The following KDM6A variants were observed in gnomAD, a reference collection of about 807,000 sequenced individuals.
KDM6A encodes the protein lysine demethylase 6A, also known as lysine-specific demethylase 6A.
In KDM6A, 11 loss-of-function variants were observed where a neutral mutation model predicts 117.6. The ratio of observed to expected loss-of-function variants is 0.09; its 90% CI spans 0.06 to 0.15. The LOEUF is 0.15. Among genes scored for constraint, KDM6A ranks in the 10% least tolerant of loss-of-function variants. KDM6A has a pLI of 1.00. For missense variants in KDM6A, 799 were observed against 1,077.3 expected, an observed-to-expected ratio of 0.74 and a Z score of 3.62; for synonymous variants, 384 against 396.1, an observed-to-expected ratio of 0.97 and a Z score of 0.36.
intron 8 of KDM6A, among the ~76,000 whole-genome samples, chrX:45,048,269 A>G (rs993376278): frequency 9.1e-6 from 1 of 109,619 alleles, no homozygotes; most frequent in African/African-American, 3.3e-5. Context: ...CCTGATCTTC[A>G]TAAGTTTAAT....
At position 45,096,025 on chromosome X, in the gene KDM6A, C is replaced by T. The variant is rs774247938; in HGVS notation, c.4034+5161C>T. On this transcript the variant is annotated intron_variant, in intron 27 of 29. Coordinates refer to ENST00000611820, the MANE Select transcript of KDM6A (RefSeq NM_001291415.2). ...TTAATATGAACTGCAGTTTTTACAT[C>T]TCCCCCTTTTTTTCCTTTGAATCAT... Among the ~76,000 whole-genome samples, 8 of 111,453 alleles carry T rather than the reference C, an allele frequency of 7.2e-5. No homozygotes were observed. In the East Asian group the frequency reaches 1.4e-3, roughly 20 times the overall value.
intron 4 of KDM6A, among the ~76,000 whole-genome samples, chrX:45,001,918 C>T (rs781197947): frequency 3.0e-4 from 33 of 110,899 alleles, no homozygotes; most frequent in Non-Finnish European, 5.7e-4. Flanking sequence ...TTGATGAGAA[C>T]GTGATCCTCA....
chrX:45,066,658 T>C (rs1194608801), intron 17 of KDM6A, among the ~76,000 whole-genome samples: 1 of 112,333 alleles, frequency 8.9e-6, no homozygotes, highest in Non-Finnish European at 1.9e-5. Flanking sequence ...TTTGTTATGA[T>C]TGTAAAGCAT....
At chrX:45,047,674 CTTT>C (rs78749806) in intron 8 of KDM6A, among the ~76,000 whole-genome samples, 18 of 36,338 alleles carry the variant, frequency 5.0e-4, no homozygotes, top group African/African-American at 1.4e-3. Flanking sequence ...CTTTTTTTTT[CTTT>C]TTTTTTTTTT....
At chrX:45,020,558 A>C in intron 5 of KDM6A, 52 bp from the exon 6 acceptor site, 28 of 995,606 alleles carry the variant, frequency 2.8e-5, no homozygotes, top group Non-Finnish European at 3.6e-5. Context: ...ACCAAGCAAG[A>C]ATTCATGCAC....
chrX:44,993,607 A>G (rs997640363), intron 4 of KDM6A, among the ~76,000 whole-genome samples: 5 of 111,502 alleles, frequency 4.5e-5, no homozygotes, highest in Non-Finnish European at 7.5e-5. Flanking sequence ...AAGCTGTTTT[A>G]TAGCTCTTTT....
chrX:45,034,798 G>C (rs2042738779), intron 6 of KDM6A, 133 bp from the exon 7 acceptor site: 1 of 523,346 alleles, frequency 1.9e-6, no homozygotes, highest in African/African-American at 2.3e-5. Context: ...TTTCTAGTTG[G>C]TAGGCTAGTG....
At position 45,061,458 on chromosome X, in the gene KDM6A, G is replaced by A. The variant is rs777071814; in HGVS notation, c.1581+39G>A. On this transcript the variant is annotated intron_variant, in intron 15 of 29. Transcript: ENST00000611820. ...TTTTGACAAATTGTTTATTAAAAAG[G>A]AGTAGAGGTAGCAAACAAGTATTAA... 6.5e-6 allele frequency: 4 copies of A among 612,940 alleles called. No individual in the cohort carries two copies. In the South Asian group the frequency reaches 1.0e-4, roughly 16 times the overall value. 50.5% of individuals were successfully genotyped at this position (612,940 alleles called of 1,213,427 possible). A position where few individuals can be genotyped will look rare whatever the true frequency, so the allele number is the denominator to read the frequency against.
rs1469375632 is a variant in KDM6A, at chrX:45,112,380, GATAT to G, written c.*974_*977del. 7.7e-6 allele frequency: 1 copy of G among 129,637 alleles called. No individual in the cohort carries two copies. 10.7% of individuals were successfully genotyped at this position (129,637 alleles called of 1,213,427 possible). ...TATATATAATATATATAGAAATCTG[GATAT>G]ATATGTATAAATCTTTAGAACTTAA... is the stretch of plus-strand genomic sequence containing the variant. On this transcript the variant is annotated 3_prime_UTR_variant, in exon 30 of 30. Transcript: ENST00000611820.
intron 4 of KDM6A, among the ~76,000 whole-genome samples, chrX:44,996,558 T>C (rs2040871396): frequency 9.1e-6 from 1 of 110,219 alleles, no homozygotes; most frequent in Admixed American, 9.5e-5. Context: ...TTCAGTGTTG[T>C]GATTTGGGCA....
At chrX:44,876,980 T>TACACGTATACGCATACGTATATAC (rs774350041) in intron 2 of KDM6A, among the ~76,000 whole-genome samples, 1 of 109,324 alleles carries the variant, frequency 9.1e-6, no homozygotes, top group African/African-American at 3.5e-5. Flanking sequence ...AATACGTATA[T>TACACGTATACGCATACGTATATAC]ACACGTATAC....
intron 8 of KDM6A, among the ~76,000 whole-genome samples, chrX:45,041,404 A>G (rs1306104933): frequency 1.0e-5 from 1 of 98,111 alleles, no homozygotes; most frequent in Non-Finnish European, 2.0e-5. Context: ...CACCTCCCGG[A>G]CGGGGCAGCT....
intron 5 of KDM6A, among the ~76,000 whole-genome samples, chrX:45,014,643 T>C (rs1353323497): frequency 2.7e-5 from 3 of 111,845 alleles, no homozygotes; most frequent in African/African-American, 9.8e-5. Context: ...CTCCTTGCCT[T>C]TGGAAGGAAA....
chrX:45,024,822 A>T (rs151016177), intron 6 of KDM6A, among the ~76,000 whole-genome samples: 35 of 111,376 alleles, frequency 3.1e-4, no homozygotes, highest in Non-Finnish European at 5.1e-4. Context: ...TAAAACAACC[A>T]TAATTGGGGG....
chrX:44,933,807 G>T (rs1055533222), intron 2 of KDM6A, among the ~76,000 whole-genome samples: 4 of 110,046 alleles, frequency 3.6e-5, no homozygotes, highest in Non-Finnish European at 5.7e-5. Context: ...TGAGCTCCTG[G>T]CTTCAAGTGA....
At chrX:44,999,184 C>T (rs185405673) in intron 4 of KDM6A, among the ~76,000 whole-genome samples, 12 of 111,747 alleles carry the variant, frequency 1.1e-4, no homozygotes, top group East Asian at 8.4e-4. Context: ...TGTAAAGTTT[C>T]GGTGCCGCAA....
chrX:45,009,063 T>C (rs2041637386), intron 4 of KDM6A, among the ~76,000 whole-genome samples: 2 of 112,184 alleles, frequency 1.8e-5, no homozygotes, highest in South Asian at 7.5e-4. Context: ...TCACTCAGCT[T>C]GTTACTGGAA....
chrX:45,006,842 A>G (rs2041517570), intron 4 of KDM6A, among the ~76,000 whole-genome samples: 1 of 110,972 alleles, frequency 9.0e-6, no homozygotes, highest in African/African-American at 3.3e-5. Flanking sequence ...GAGTCAGGAG[A>G]ATTGCTTGAA....
Position 45,111,781 on chromosome X carries a change from A to G in KDM6A, c.*370A>G, listed in dbSNP as rs1319894746. 1 of 194,122 alleles carries G rather than the reference A, an allele frequency of 5.2e-6. No homozygotes were observed. Among genetic ancestry groups the G allele is most frequent in the Non-Finnish European group, 9.5e-6 (1 of 105,412 alleles). The allele number at this position is 194,122 out of a possible 1,213,427, so 16.0% of individuals were successfully genotyped here. ...CCCTTCAGAATTTTCCTTGGAAAAA[A>G]AATACTAGCCTAGCTGGTCATTTCT... On this transcript the variant is annotated 3_prime_UTR_variant, in exon 30 of 30. Coordinates refer to ENST00000611820, the MANE Select transcript of KDM6A (RefSeq NM_001291415.2).
Sources: allele counts gnomAD v4.1 joint callset (sites outside exome capture counted in the v4.1 genomes callset), GRCh38; gene constraint gnomAD v4.1.1; transcripts MANE v1.5; gene names NCBI Gene and HGNC (gene_info 2026-07-23, HGNC 2026-07-21).